Variants in WASHC2A observed in about 807,000 individuals in gnomAD.
The protein encoded by WASHC2A is WASH complex subunit 2A, also known as WASH complex subunit FAM21A.
A neutral mutation model predicts 140.3 loss-of-function variants in WASHC2A; 82 were observed. The observed-to-expected ratio is 0.58, with a 90% CI of 0.49 to 0.70. The LOEUF is 0.70. WASHC2A is among the 30% of genes least tolerant of loss of function. WASHC2A has a pLI of 0.00. For missense variants in WASHC2A, 985 were observed against 1,521.8 expected (o/e 0.65, Z 5.87); for synonymous variants, 340 against 560.8 (o/e 0.61, Z 5.56).
chr10:50,104,019 C>G (rs1451404500), intron 17 of WASHC2A, 23 bp from the exon 18 acceptor site: 8 of 1,538,188 alleles, frequency 5.2e-6, no homozygotes, highest in Non-Finnish European at 6.3e-6. Flanking sequence ...TGTTAACCAG[C>G]AACTTTAATT....
chr10:50,086,767 A>G (rs376310345), intron 7 of WASHC2A, among the ~76,000 whole-genome samples: 1 of 117,542 alleles, frequency 8.5e-6, no homozygotes, highest in African/African-American at 3.2e-5. Flanking sequence ...CCTACAAAGG[A>G]CATGAACTCA....
At position 50,125,229 on chromosome 10, in the gene WASHC2A, C is replaced by T. The variant is rs2133062582; in HGVS notation, c.2595C>T (p.Thr865=). The T allele has an allele frequency of 1.9e-6, 3 of 1,607,836 alleles. No homozygotes were observed. The highest frequency in any genetic ancestry group is 2.5e-6 in the Non-Finnish European group (3 of 1,178,730). ...CAGATGTTGACCTTTTTGCTGGCACCAAAAAAACCAAGGTCAGTTCCAAAT... is the reference window on the plus strand; with the variant it reads ...CAGATGTTGACCTTTTTGCTGGCACTAAAAAAACCAAGGTCAGTTCCAAAT... ...NDPDVDLFAG[T]KKTKLLEPSV... is the part of the protein sequence containing the mutation. Residue 865 remains threonine, a synonymous_variant, in exon 24 of 31, where the codon ACC becomes ACT. Transcript: ENST00000282633.
At chr10:50,126,446 G>A (rs1843436214) in intron 26 of WASHC2A, 2 of 303,442 alleles carry the variant, frequency 6.6e-6, no homozygotes, top group Non-Finnish European at 1.2e-5. Flanking sequence ...AAGGTAGGAT[G>A]AAGAATCTTC....
Position 50,091,450 on chromosome 10 carries a change from C to T in WASHC2A, c.863C>T (p.Ser288Leu), listed in dbSNP as rs1363279369. ...CTGTAGAAAAGAAGCAGACCTACATCGTTTGCAGATGAGCTGGCTGCCCGC... is the reference window on the plus strand; with the variant it reads ...CTGTAGAAAAGAAGCAGACCTACATTGTTTGCAGATGAGCTGGCTGCCCGC... ...NTRPKRSRPT[S>L]FADELAARIK... Residue 288 changes from serine (S) to leucine (L), a missense_variant, in exon 10 of 31, where the codon TCG becomes TTG. Coordinates refer to ENST00000282633, the MANE Select transcript of WASHC2A (RefSeq NM_001005751.3). The T allele has an allele frequency of 1.2e-5, 18 of 1,550,142 alleles. No individual in the cohort carries two copies. The highest frequency in any genetic ancestry group is 2.3e-4 in the Middle Eastern group (1 of 4,382).
Position 50,091,514 on chromosome 10 carries a change from G to A in WASHC2A, c.927G>A (p.Pro309=), listed in dbSNP as rs1241016472. The change falls in exon 10 of 31, where the codon CCG becomes CCA. Residue 309 remains proline (P), a synonymous_variant. Transcript: ENST00000282633. ...GDAVGRVDEE[P]TTLPSGEAKP... ...CCGTGGGTCGAGTGGACGAGGAGCC[G>A]ACAAGTGAGCCCCAGCCGCGTTGAT... 9.0e-6 allele frequency: 14 copies of A among 1,549,556 alleles called. No individual in the cohort carries two copies. Among genetic ancestry groups the A allele is most frequent in the South Asian group, 6.0e-5 (5 of 83,980 alleles).
At chr10:50,123,099 A>G (rs1173758484) in intron 23 of WASHC2A, among the ~76,000 whole-genome samples, 1 of 136,142 alleles carries the variant, frequency 7.3e-6, no homozygotes, top group Non-Finnish European at 1.6e-5. Context: ...AAGGGAAGTA[A>G]CGAGTGTTGG....
At chr10:50,109,242 T>G (rs1554889487) in intron 19 of WASHC2A, among the ~76,000 whole-genome samples, 2 of 152,216 alleles carry the variant, frequency 1.3e-5, no homozygotes, top group African/African-American at 4.8e-5. Context: ...TTCTTTGATT[T>G]GAAGGGGTGT....
Position 50,126,491 on chromosome 10 carries a change from T to C in WASHC2A, c.2811+312T>C, listed in dbSNP as rs1482181847. The C allele has an allele frequency of 1.1e-3, 270 of 240,456 alleles. 5 individuals carry two copies. Among genetic ancestry groups the C allele is most frequent in the Middle Eastern group, 1.6e-3 (1 of 626 alleles). The allele number at this position is 240,456 out of a possible 1,614,324, so 14.9% of individuals were successfully genotyped here. ...AAGAATTTATTTCTCCCTCTGGATT[T>C]CCTTGGAATAGAATTAAAATAGAAA... On this transcript the variant is annotated intron_variant, in intron 26 of 30. Coordinates refer to ENST00000282633, the MANE Select transcript of WASHC2A (RefSeq NM_001005751.3).
At chr10:50,103,443 T>C (rs1344376789) in intron 17 of WASHC2A, among the ~76,000 whole-genome samples, 5 of 152,086 alleles carry the variant, frequency 3.3e-5, no homozygotes, top group African/African-American at 7.2e-5. Context: ...GCCTGTAGTC[T>C]CAGCTACTCA....
At chr10:50,127,082 A>C in intron 26 of WASHC2A, 78 bp from the exon 27 acceptor site, 1 of 1,541,816 alleles carries the variant, frequency 6.5e-7, no homozygotes, top group South Asian at 1.1e-5. Context: ...GCTCCATCAC[A>C]GATTTATTTA....
chr10:50,076,150 T>C (rs1207869192), intron 3 of WASHC2A, among the ~76,000 whole-genome samples: 3 of 152,114 alleles, frequency 2.0e-5, no homozygotes, highest in Admixed American at 6.5e-5. Context: ...GGTCTCAAAC[T>C]CCTGACCGCA....
At chr10:50,123,680 C>CA (rs1423550288) in intron 23 of WASHC2A, among the ~76,000 whole-genome samples, 1 of 149,192 alleles carries the variant, frequency 6.7e-6, no homozygotes, top group Non-Finnish European at 1.5e-5. Flanking sequence ...CTGAATATAC[C>CA]AAAAAATCAT....
At chr10:50,077,409 G>A (rs1205083821) in intron 3 of WASHC2A, among the ~76,000 whole-genome samples, 3 of 152,014 alleles carry the variant, frequency 2.0e-5, no homozygotes, top group African/African-American at 7.3e-5. Context: ...GCTTAAATTG[G>A]GTATTCCAAG....
intron 17 of WASHC2A, among the ~76,000 whole-genome samples, chr10:50,102,994 G>C (rs1190997082): frequency 6.6e-6 from 1 of 151,602 alleles, no homozygotes; most frequent in African/African-American, 2.4e-5. Flanking sequence ...AGCCTCCTGA[G>C]TAGCTGAGAT....
At chr10:50,087,739 A>G (rs1411951157) in intron 8 of WASHC2A, among the ~76,000 whole-genome samples, 1 of 152,172 alleles carries the variant, frequency 6.6e-6, no homozygotes, top group Admixed American at 6.6e-5. Flanking sequence ...GAATAGCTAA[A>G]GGCGTATTCT....
At chr10:50,117,696 T>C (rs1842780514) in intron 21 of WASHC2A, among the ~76,000 whole-genome samples, 1 of 132,752 alleles carries the variant, frequency 7.5e-6, no homozygotes, top group African/African-American at 2.6e-5. Flanking sequence ...ACAGGTGATG[T>C]GGTGGCGTGA....
chr10:50,092,028 C>G, intron 10 of WASHC2A, 134 bp from the exon 11 acceptor site: 7 of 1,584,270 alleles, frequency 4.4e-6, no homozygotes, highest in South Asian at 1.1e-5. Flanking sequence ...GTTCAGTGCT[C>G]TGGTGCAGCT....
intron 29 of WASHC2A, among the ~76,000 whole-genome samples, chr10:50,130,394 G>A (rs1481405741): frequency 6.7e-6 from 1 of 148,166 alleles, no homozygotes; most frequent in Non-Finnish European, 1.5e-5. Context: ...TTTAACCTCT[G>A]GTTCTGGGGA....
chr10:50,131,521 G>A (rs1843972233), intron 30 of WASHC2A, among the ~76,000 whole-genome samples: 2 of 152,182 alleles, frequency 1.3e-5, no homozygotes, highest in Non-Finnish European at 2.9e-5. Flanking sequence ...GTCTAGACCT[G>A]GGTGTAGGCT....
Sources: gnomAD v4.1 joint callset for allele counts (sites outside exome capture counted in the v4.1 genomes callset) on GRCh38, gnomAD v4.1.1 for gene constraint, MANE v1.5 for transcripts, NCBI Gene and HGNC (gene_info 2026-07-23, HGNC 2026-07-21) for gene names.